Variants in MYRIP observed in about 807,000 individuals in gnomAD.
The protein encoded by MYRIP is myosin VIIA and Rab interacting protein, also known as rab effector MyRIP.
A neutral mutation model predicts 98.0 loss-of-function variants in MYRIP; 49 were observed. That is an observed-to-expected ratio of 0.50 (90% CI 0.40 to 0.63). The LOEUF (loss-of-function observed/expected upper bound fraction) is 0.63. Among genes scored for constraint, MYRIP ranks in the 30% least tolerant of loss-of-function variants. The pLI, the probability that MYRIP is intolerant of heterozygous loss-of-function variation, is 0.00. For synonymous variants in MYRIP, 404 were observed against 409.5 expected, an observed-to-expected ratio of 0.99 and a Z score of 0.16; for missense variants, 1,004 against 1,058.2, an observed-to-expected ratio of 0.95 and a Z score of 0.71.
chr3:40,087,463 C>T (rs953350428), intron 3 of MYRIP, among the ~76,000 whole-genome samples: 29 of 151,904 alleles, frequency 1.9e-4, no homozygotes, highest in Non-Finnish European at 3.4e-4. Context: ...ATGTCTGCTT[C>T]AAGAAGGGAG....
intron 2 of MYRIP, among the ~76,000 whole-genome samples, chr3:40,002,901 CACAT>C (rs1183116672): frequency 4.0e-5 from 6 of 151,702 alleles, no homozygotes; most frequent in East Asian, 1.9e-4. Flanking sequence ...TTTAGATAGA[CACAT>C]ACAAGTATGC....
In MYRIP at chr3:40,038,783, C is replaced by T. The variant is rs528448837; in HGVS notation, c.111-5267C>T. On this transcript the variant is annotated intron_variant, in intron 2 of 16. Transcript: ENST00000302541. ...AAGAAAGGTAATTCTCATGGTCTTCCTTCTTGCTTACCTGTGTCCTGATTC... is the reference window on the plus strand; with the variant it reads ...AAGAAAGGTAATTCTCATGGTCTTCTTTCTTGCTTACCTGTGTCCTGATTC... Among the ~76,000 whole-genome samples the T allele has an allele frequency of 2.6e-5, 4 of 152,188 alleles. No homozygotes were observed. The South Asian group carries it at 8.3e-4, about 32-fold the overall frequency.
intron 2 of MYRIP, among the ~76,000 whole-genome samples, chr3:39,910,905 A>T (rs1353939346): frequency 6.6e-6 from 1 of 152,196 alleles, no homozygotes. Context: ...TATCTGTAAG[A>T]GCCAGCTAAA....
At chr3:40,086,414 A>T (rs917286493) in intron 3 of MYRIP, among the ~76,000 whole-genome samples, 5 of 152,170 alleles carry the variant, frequency 3.3e-5, no homozygotes. Context: ...CTTTGGAGGG[A>T]TGGGAAGACT....
chr3:40,066,629 A>AT (rs1487916395), intron 3 of MYRIP, among the ~76,000 whole-genome samples: 15 of 151,882 alleles, frequency 9.9e-5, no homozygotes, highest in Non-Finnish European at 1.8e-4. Context: ...TCCTGGTTGA[A>AT]TTTTTTTTTA....
At chr3:39,958,033 T>C in intron 2 of MYRIP, among the ~76,000 whole-genome samples, 1 of 152,070 alleles carries the variant, frequency 6.6e-6, no homozygotes, top group East Asian at 1.9e-4. Flanking sequence ...TAAAAGAGGA[T>C]ACAAACAAAT....
intron 11 of MYRIP, among the ~76,000 whole-genome samples, chr3:40,218,595 ACACATATATATATATTT>A (rs1952201079): frequency 2.3e-4 from 1 of 4,334 alleles, no homozygotes; most frequent in Admixed American, 5.4e-3. Context: ...ACACACACAC[ACACATATATATATATTT>A]TATATATATA....
chr3:39,890,383 A>T (rs1005675104), intron 1 of MYRIP, among the ~76,000 whole-genome samples: 9 of 151,958 alleles, frequency 5.9e-5, no homozygotes, highest in African/African-American at 2.2e-4. Context: ...TTCTTCATTC[A>T]TGGATGTCAT....
At position 40,209,897 on chromosome 3, in the gene MYRIP, G is replaced by T. The variant is rs146905729; in HGVS notation, c.1709G>T (p.Arg570Leu). Residue 570 changes from arginine to leucine, a missense_variant, in exon 11 of 17, where the codon CGG becomes CTG. Arg to Leu is a moderately radical substitution (Grantham distance 102, BLOSUM62 -2). Around this residue, in one of 3 missense-constraint regions of MYRIP, gnomAD observed 880 missense variants for 907.7 expected, o/e 0.97. Transcript: ENST00000302541. ...LSETDISNEARDPQTLTDTTE... is the reference protein window; with the variant it reads ...LSETDISNEALDPQTLTDTTE... ...GAGACAGACATCAGCAATGAGGCTCGGGATCCCCAGACTCTCACAGACACC... is the reference window on the plus strand; with the variant it reads ...GAGACAGACATCAGCAATGAGGCTCTGGATCCCCAGACTCTCACAGACACC... The T allele has an allele frequency of 5.0e-6, 8 of 1,613,948 alleles. No homozygotes were observed. In the East Asian group the frequency reaches 6.7e-5, roughly 13 times the overall value.
intron 2 of MYRIP, among the ~76,000 whole-genome samples, chr3:40,035,429 G>T (rs7630287): frequency 0.91 from 138,233 of 151,810 alleles, 63,770 homozygotes; most frequent in Non-Finnish European, 0.98. Context: ...AAGGTGCACT[G>T]ACATAAAAAG....
At chr3:40,127,497 A>G (rs1283385276) in intron 3 of MYRIP, among the ~76,000 whole-genome samples, 1 of 152,234 alleles carries the variant, frequency 6.6e-6, no homozygotes, top group Non-Finnish European at 1.5e-5. Context: ...TCACAATTCT[A>G]CAGAGTTAGA....
chr3:40,086,926 G>A (rs1385248231), intron 3 of MYRIP, among the ~76,000 whole-genome samples: 1 of 152,042 alleles, frequency 6.6e-6, no homozygotes, highest in Non-Finnish European at 1.5e-5. Context: ...GGCATTCAGA[G>A]CTCTGGGGTA....
chr3:39,834,628 T>C (rs1156458956), intron 1 of MYRIP, among the ~76,000 whole-genome samples: 5 of 152,192 alleles, frequency 3.3e-5, no homozygotes, highest in Non-Finnish European at 5.9e-5. Context: ...AGTCTCAGAA[T>C]ATTTTCATAT....
intron 2 of MYRIP, among the ~76,000 whole-genome samples, chr3:39,910,088 A>C (rs1425759228): frequency 6.6e-6 from 1 of 152,032 alleles, no homozygotes; most frequent in East Asian, 1.9e-4. Flanking sequence ...ATGGGATTTC[A>C]TCATGTTGGT....
chr3:40,182,521 C>A, intron 9 of MYRIP, 148 bp downstream of exon 9: 1 of 841,518 alleles, frequency 1.2e-6, no homozygotes, highest in Non-Finnish European at 1.8e-6. Context: ...ATGAGGCCTC[C>A]AGCACAACAC....
intron 13 of MYRIP, among the ~76,000 whole-genome samples, chr3:40,246,753 A>G (rs1953219599): frequency 6.6e-6 from 1 of 152,152 alleles, no homozygotes; most frequent in African/African-American, 2.4e-5. Flanking sequence ...TCACAGAGAC[A>G]ATGACACTCT....
chr3:39,904,271 G>C lies in MYRIP; in HGVS notation c.110+3345G>C, dbSNP rs943194102. Among the ~76,000 whole-genome samples the C allele has an allele frequency of 2.6e-5, 4 of 152,294 alleles. No homozygotes were observed. In the East Asian group the frequency reaches 7.7e-4, roughly 29 times the overall value. The stretch of plus-strand genomic sequence containing the variant: ...TTGTTTGTTTGTTTGTTTGGAGACA[G>C]AGTCTCACTCTGTTGCCCAGGTTGG... On this transcript the variant is annotated intron_variant, in intron 2 of 16. Transcript: ENST00000302541.
intron 11 of MYRIP, among the ~76,000 whole-genome samples, chr3:40,225,857 A>T (rs1244255940): frequency 6.6e-6 from 1 of 152,292 alleles, no homozygotes; most frequent in East Asian, 1.9e-4. Context: ...TTGAACTGCT[A>T]AAAGGTCTTT....
At chr3:40,042,262 C>A (rs1947552436) in intron 2 of MYRIP, among the ~76,000 whole-genome samples, 2 of 120,246 alleles carry the variant, frequency 1.7e-5, no homozygotes, top group South Asian at 2.6e-4. Flanking sequence ...TATGTAAAAG[C>A]AAGCATATAA....
Sources: gnomAD v4.1 joint callset for allele counts (sites outside exome capture counted in the v4.1 genomes callset) on GRCh38, gnomAD v4.1.1 for gene constraint, gnomAD v4.1.1 regional missense constraint, MANE v1.5 for transcripts, NCBI Gene and HGNC (gene_info 2026-07-23, HGNC 2026-07-21) for gene names.